ARMC2: variants seen among roughly 807,000 people sequenced by gnomAD.
ARMC2 encodes the protein armadillo repeat containing 2.
ARMC2 carries 67 observed loss-of-function variants against 90.3 expected under a neutral mutation model. That is an observed-to-expected ratio of 0.74 (90% confidence interval 0.61 to 0.91). The LOEUF (loss-of-function observed/expected upper bound fraction) is 0.91. Ranked by LOEUF, ARMC2 falls within the 40% of genes least tolerant of loss-of-function variation. ARMC2 has a pLI of 0.00. For synonymous variants in ARMC2, 393 were observed against 393.0 expected (o/e 1.00, Z 0.00); for missense variants, 920 against 1,030.9 (o/e 0.89, Z 1.47).
At chr6:109,022,650 G>A in the ARMC2 span, among the ~76,000 whole-genome samples, 8 of 151,736 alleles carry the variant, frequency 5.3e-5, no homozygotes, top group African/African-American at 9.7e-5. Context: ...TCCTGACCTC[G>A]TGATCTGTCC....
At chr6:108,985,099 C>T in the ARMC2 span, among the ~76,000 whole-genome samples, 1 of 152,130 alleles carries the variant, frequency 6.6e-6, no homozygotes, top group African/African-American at 2.4e-5. Flanking sequence ...AGTAACATTT[C>T]TGATTCATGT....
At chr6:108,894,165 A>G (rs993733256) in intron 5 of ARMC2, among the ~76,000 whole-genome samples, 4 of 152,106 alleles carry the variant, frequency 2.6e-5, no homozygotes, top group African/African-American at 9.7e-5. Flanking sequence ...ACCAGGAATC[A>G]CCAGCCTGGA....
chr6:108,971,697 G>A (rs760567969), intron 17 of ARMC2, among the ~76,000 whole-genome samples: 1 of 152,068 alleles, frequency 6.6e-6, no homozygotes, highest in Non-Finnish European at 1.5e-5. Context: ...CAAGGCAGGC[G>A]GATCACTTGA....
Position 108,866,983 on chromosome 6 carries a change from G to A in ARMC2, c.292-1841G>A, listed in dbSNP as rs148124440. On this transcript the variant is annotated intron_variant, in intron 3 of 17. Transcript: ENST00000392644. ...GGAAAACAAGTGTTTGGGATTATGC[G>A]TCATACGTGATAAATGACATCACCC... 9.1e-4 allele frequency among the ~76,000 whole-genome samples: 139 copies of A among 151,936 alleles called. 1 individual carries two copies. The highest frequency in any genetic ancestry group is 3.2e-3 in the African/African-American group (131 of 41,420).
intron 12 of ARMC2, among the ~76,000 whole-genome samples, chr6:108,943,489 A>C (rs1347750703): frequency 6.6e-6 from 1 of 152,200 alleles, no homozygotes; most frequent in Non-Finnish European, 1.5e-5. Flanking sequence ...TGGCTCCCCA[A>C]CTTGGCTTAT....
At chr6:108,887,634 T>C (rs757575502) in intron 5 of ARMC2, among the ~76,000 whole-genome samples, 20 of 152,234 alleles carry the variant, frequency 1.3e-4, no homozygotes, top group Non-Finnish European at 2.5e-4. Flanking sequence ...TTGCATTTAT[T>C]GTTTAAATCC....
intron 4 of ARMC2, among the ~76,000 whole-genome samples, chr6:108,873,207 C>T (rs544419517): frequency 6.6e-6 from 1 of 152,204 alleles, no homozygotes; most frequent in Non-Finnish European, 1.5e-5. Context: ...GTAATTTTCA[C>T]TTGTCACAAA....
intron 10 of ARMC2, among the ~76,000 whole-genome samples, chr6:108,919,540 T>G (rs1583115926): frequency 6.6e-6 from 1 of 152,290 alleles, no homozygotes; most frequent in African/African-American, 2.4e-5. Context: ...GATTTGATAA[T>G]TTAAACCAAA....
chr6:108,956,068 C>G (rs1395219591), intron 13 of ARMC2, among the ~76,000 whole-genome samples: 1 of 152,214 alleles, frequency 6.6e-6, no homozygotes, highest in Admixed American at 6.5e-5. Context: ...ACCATGTTAG[C>G]TTTTCTGGCT....
At chr6:108,865,319 TG>T (rs1355083485) in intron 3 of ARMC2, among the ~76,000 whole-genome samples, 1 of 152,218 alleles carries the variant, frequency 6.6e-6, no homozygotes, top group Non-Finnish European at 1.5e-5. Context: ...CAACATTTTC[TG>T]ATTTCTAAAA....
At chr6:108,981,814 GCA>G in the ARMC2 span, among the ~76,000 whole-genome samples, 1 of 151,938 alleles carries the variant, frequency 6.6e-6, no homozygotes, top group Non-Finnish European at 1.5e-5. Context: ...TTACAGGCAT[GCA>G]CCACCATGCC....
At chr6:109,043,076 C>G in the ARMC2 span, among the ~76,000 whole-genome samples, 1 of 151,908 alleles carries the variant, frequency 6.6e-6, no homozygotes, top group Non-Finnish European at 1.5e-5. Context: ...TTTTAACAGG[C>G]TAAGGAAGAA....
intron 4 of ARMC2, among the ~76,000 whole-genome samples, chr6:108,873,397 T>C (rs1776622522): frequency 6.6e-6 from 1 of 152,086 alleles, no homozygotes; most frequent in Non-Finnish European, 1.5e-5. Context: ...TGTGTTGTGA[T>C]CCAGCCCCAG....
rs777333131 is a variant in ARMC2 at position 108,961,636 on chromosome 6, A to T, written c.1980A>T (p.Leu660Phe). Residue 660 changes from leucine to phenylalanine, a missense_variant, in exon 14 of 18, where the codon TTA (leucine) becomes TTT (phenylalanine). Leu to Phe is a conservative substitution (Grantham distance 22). Transcript: ENST00000392644. Reference protein sequence around the residue: ...VINATATINNLSYYQVKNSII... With the variant: ...VINATATINNFSYYQVKNSII... ...ATGCTACAGCGACAATCAACAATTT[A>T]TCTTACTACCAAGTGAAGAATTCCA... is the stretch of plus-strand genomic sequence containing the variant. The T allele has an allele frequency of 6.2e-7, 1 of 1,612,378 alleles. No homozygotes were observed. Among genetic ancestry groups the T allele is most frequent in the South Asian group, 1.1e-5 (1 of 90,944 alleles).
the ARMC2 span, chr6:108,992,864 G>A: frequency 8.7e-6 from 14 of 1,613,224 alleles, no homozygotes; most frequent in East Asian, 4.5e-5. Context: ...TCAAAATGAC[G>A]AGATACAGCT....
At chr6:108,945,641 A>G (rs143419696) in intron 12 of ARMC2, among the ~76,000 whole-genome samples, 11 of 152,376 alleles carry the variant, frequency 7.2e-5, no homozygotes, top group South Asian at 2.1e-4. Context: ...TTAGACTTCT[A>G]TAGGCATAAG....
the ARMC2 span, chr6:108,987,264 A>G: frequency 4.2e-5 from 13 of 305,922 alleles, no homozygotes; most frequent in Non-Finnish European, 6.6e-5. Flanking sequence ...GAGAGTTACT[A>G]TTTGCTGTAT....
the ARMC2 span, among the ~76,000 whole-genome samples, chr6:109,021,678 G>C: frequency 1.3e-5 from 2 of 151,960 alleles, no homozygotes; most frequent in African/African-American, 2.4e-5. Context: ...CTGACCTCAA[G>C]TGATCCGCCC....
the ARMC2 span, among the ~76,000 whole-genome samples, chr6:108,984,328 A>T: frequency 6.6e-6 from 1 of 152,060 alleles, no homozygotes; most frequent in South Asian, 2.1e-4. Flanking sequence ...GATAACAGAA[A>T]TTTATTGCTC....
Sources: gnomAD v4.1 joint callset for allele counts (sites outside exome capture counted in the v4.1 genomes callset) on GRCh38, gnomAD v4.1.1 for gene constraint, MANE v1.5 for transcripts, NCBI Gene and HGNC (gene_info 2026-07-23, HGNC 2026-07-21) for gene names.